The following SUMF1 variants were observed in gnomAD, a reference collection of about 807,000 sequenced individuals.
SUMF1 encodes sulfatase modifying factor 1.
Under a neutral mutation model 47.6 loss-of-function variants are expected in SUMF1, and 48 were observed. That is an observed-to-expected ratio of 1.01 (90% CI 0.80 to 1.28). The LOEUF (loss-of-function observed/expected upper bound fraction) is 1.28, where lower values mean the gene tolerates loss of function less well. Among genes scored for constraint, SUMF1 ranks in the 50% most tolerant of loss-of-function variants. The pLI is 0.00. For synonymous variants in SUMF1, 230 were observed against 192.1 expected (o/e 1.20, Z -1.63); for missense variants, 571 against 485.4 (o/e 1.18, Z -1.66).
intron 3 of SUMF1, among the ~76,000 whole-genome samples, chr3:4,433,597 C>T (rs1303928133): frequency 5.3e-5 from 8 of 152,206 alleles, no homozygotes; most frequent in East Asian, 1.9e-4. Context: ...ACCCTGTTGA[C>T]GGGGCCAGTG....
At chr3:4,122,236 T>C (rs916683697) in intron 8 of SUMF1, among the ~76,000 whole-genome samples, 2 of 152,162 alleles carry the variant, frequency 1.3e-5, no homozygotes, top group Admixed American at 6.5e-5. Flanking sequence ...TAAACAATTA[T>C]GGTGTATCCG....
intron 8 of SUMF1, among the ~76,000 whole-genome samples, chr3:4,190,521 C>T (rs754433779): frequency 2.1e-5 from 3 of 143,198 alleles, no homozygotes; most frequent in East Asian, 1.9e-4. Context: ...TTAATACGAG[C>T]TCTGTGGGCC....
intron 8 of SUMF1, among the ~76,000 whole-genome samples, chr3:4,258,025 T>A (rs1402501428): frequency 6.6e-6 from 1 of 151,954 alleles, no homozygotes; most frequent in Non-Finnish European, 1.5e-5. Context: ...GATTCCCTAT[T>A]TAATAAATGG....
At chr3:4,186,078 G>A (rs962653400) in intron 8 of SUMF1, among the ~76,000 whole-genome samples, 1 of 152,012 alleles carries the variant, frequency 6.6e-6, no homozygotes, top group African/African-American at 2.4e-5. Flanking sequence ...TCATCACTGG[G>A]GATAGAGTCA....
intron 8 of SUMF1, among the ~76,000 whole-genome samples, chr3:4,145,419 T>G (rs1694171339): frequency 6.6e-6 from 1 of 152,104 alleles, no homozygotes; most frequent in Admixed American, 6.6e-5. Context: ...AAAGATCTCC[T>G]TATTAGAAAT....
intron 3 of SUMF1, among the ~76,000 whole-genome samples, chr3:4,439,155 T>C (rs1203958641): frequency 2.6e-5 from 4 of 152,158 alleles, no homozygotes; most frequent in Non-Finnish European, 4.4e-5. Context: ...GACTAAAATG[T>C]TTACATTAGC....
At chr3:4,403,481 T>C (rs1159785494) in intron 7 of SUMF1, among the ~76,000 whole-genome samples, 1 of 152,114 alleles carries the variant, frequency 6.6e-6, no homozygotes, top group African/African-American at 2.4e-5. Context: ...TTGCCCTGAA[T>C]TGCAAACCCA....
chr3:4,423,863 A>T (rs940152858), intron 3 of SUMF1, among the ~76,000 whole-genome samples: 1 of 151,884 alleles, frequency 6.6e-6, no homozygotes, highest in South Asian at 2.1e-4. Flanking sequence ...GCCTCCCTCC[A>T]CCTCACTCTC....
intron 9 of SUMF1, among the ~76,000 whole-genome samples, chr3:4,048,110 A>G (rs1695038973): frequency 6.6e-6 from 1 of 152,102 alleles, no homozygotes. Flanking sequence ...CATTTCCTAT[A>G]ATTATCATCT....
intron 9 of SUMF1, among the ~76,000 whole-genome samples, chr3:4,058,182 G>C (rs1695221640): frequency 2.0e-5 from 3 of 152,048 alleles, no homozygotes; most frequent in African/African-American, 7.2e-5. Context: ...ATCAAGATTT[G>C]AATCCAGGCA....
At chr3:4,382,664 C>A (rs1469265442) in intron 7 of SUMF1, among the ~76,000 whole-genome samples, 1 of 152,074 alleles carries the variant, frequency 6.6e-6, no homozygotes, top group Non-Finnish European at 1.5e-5. Context: ...AGACTTGGAA[C>A]CAACCCAAAC....
chr3:4,453,026 T>C lies in SUMF1; in HGVS notation c.294A>G (p.Val98=). ...GAGGATCATCTGTGCCCATTGTAAATACTCCAGCAGGGATGGGGACCATCT... is the reference window on the plus strand; with the variant it reads ...GAGGATCATCTGTGCCCATTGTAAACACTCCAGCAGGGATGGGGACCATCT... ...HSKMVPIPAG[V]FTMGTDDPQI... The change falls in exon 2 of 9, where the codon GTA becomes GTG. Residue 98 remains valine (V), a synonymous_variant. Coordinates refer to ENST00000272902, the MANE Select transcript of SUMF1 (RefSeq NM_182760.4). The C allele has an allele frequency of 1.9e-6, 3 of 1,613,826 alleles. No individual in the cohort carries two copies. Among genetic ancestry groups the C allele is most frequent in the African/African-American group, 2.7e-5 (2 of 75,030 alleles).
intron 8 of SUMF1, among the ~76,000 whole-genome samples, chr3:4,191,000 A>G (rs1695303598): frequency 1.3e-5 from 2 of 152,192 alleles, no homozygotes; most frequent in Non-Finnish European, 1.5e-5. Context: ...CAGGTTATTG[A>G]GTTCTACCAA....
chr3:4,195,165 T>C (rs1392923926), intron 8 of SUMF1, among the ~76,000 whole-genome samples: 4 of 152,100 alleles, frequency 2.6e-5, no homozygotes, highest in Non-Finnish European at 5.9e-5. Flanking sequence ...AAGATACACA[T>C]TACAAAGGAA....
chr3:4,146,791 G>GT (rs936852533), intron 8 of SUMF1, among the ~76,000 whole-genome samples: 9 of 151,516 alleles, frequency 5.9e-5, no homozygotes, highest in Admixed American at 3.3e-4. Flanking sequence ...GCAGTGTTTG[G>GT]TTTTTTGTCC....
At chr3:4,041,065 T>G (rs1694899988) in intron 9 of SUMF1, among the ~76,000 whole-genome samples, 1 of 152,178 alleles carries the variant, frequency 6.6e-6, no homozygotes, top group African/African-American at 2.4e-5. Flanking sequence ...GCAACCATTC[T>G]TTTTTGTTTT....
chr3:4,427,473 G>A (rs4626086), intron 3 of SUMF1, among the ~76,000 whole-genome samples: 45 of 152,280 alleles, frequency 3.0e-4, no homozygotes, highest in African/African-American at 1.0e-3. Flanking sequence ...CCCAACACAA[G>A]TATGGAAAGC....
At chr3:4,173,273 A>G (rs990137786) in intron 8 of SUMF1, among the ~76,000 whole-genome samples, 2 of 152,152 alleles carry the variant, frequency 1.3e-5, no homozygotes, top group African/African-American at 4.8e-5. Context: ...GCCTTGTAGT[A>G]TAGTTTGAAG....
intron 8 of SUMF1, among the ~76,000 whole-genome samples, chr3:4,310,635 T>C (rs1293910051): frequency 2.6e-5 from 4 of 152,372 alleles, no homozygotes; most frequent in African/African-American, 4.8e-5. Flanking sequence ...GCAAGTTTAA[T>C]TGCAGAATTT....
Sources: gnomAD v4.1 joint callset for allele counts (sites outside exome capture counted in the v4.1 genomes callset) on GRCh38, gnomAD v4.1.1 for gene constraint, MANE v1.5 for transcripts, NCBI Gene and HGNC (gene_info 2026-07-23, HGNC 2026-07-21) for gene names.